Variants in SLIT2 observed in about 807,000 individuals in gnomAD.
SLIT2 encodes the protein slit homolog 2 protein.
SLIT2 carries 41 observed loss-of-function variants against 185.7 expected under a neutral mutation model. The ratio of observed to expected loss-of-function variants is 0.22; its 90% CI spans 0.17 to 0.29. SLIT2 has a LOEUF of 0.29. SLIT2 is among the 10% of genes least tolerant of loss of function. The pLI is 1.00. For missense variants in SLIT2, 1,571 were observed against 1,909.0 expected (o/e 0.82, Z 3.30); for synonymous variants, 693 against 680.2 (o/e 1.02, Z -0.29).
At chr4:20,298,067 C>T (rs1236403514) in intron 4 of SLIT2, among the ~76,000 whole-genome samples, 3 of 151,212 alleles carry the variant, frequency 2.0e-5, no homozygotes, top group Admixed American at 6.6e-5. Flanking sequence ...GCATAGTAAT[C>T]GGTATCTTCT....
At chr4:20,501,719 C>A (rs976160710) in intron 9 of SLIT2, among the ~76,000 whole-genome samples, 1 of 152,112 alleles carries the variant, frequency 6.6e-6, no homozygotes, top group Non-Finnish European at 1.5e-5. Flanking sequence ...GCATGTAGTT[C>A]CGCAGGCCAT....
Position 20,568,647 on chromosome 4 carries a change from G to A in SLIT2, c.2949-218G>A, listed in dbSNP as rs11723253. Among the ~76,000 whole-genome samples the A allele has an allele frequency of 0.16, 23,815 of 151,682 alleles. 2,199 individuals carry two copies. Among genetic ancestry groups the A allele is most frequent in the East Asian group, 0.35 (1,781 of 5,142 alleles). On this transcript the variant is annotated intron_variant, in intron 28 of 36. Transcript: ENST00000504154. ...TGGAACCATTTGCCTTCTTGCAACC[G>A]GCATAAATTTTATTTTTTGAAGGGT...
At chr4:20,580,274 G>A (rs1430650734) in intron 29 of SLIT2, among the ~76,000 whole-genome samples, 1 of 151,142 alleles carries the variant, frequency 6.6e-6, no homozygotes, top group Non-Finnish European at 1.5e-5. Context: ...TTGACCTCAG[G>A]TGATCCACGC....
chr4:20,546,780 A>G (rs1723288425), intron 22 of SLIT2, among the ~76,000 whole-genome samples: 1 of 152,070 alleles, frequency 6.6e-6, no homozygotes, highest in African/African-American at 2.4e-5. Flanking sequence ...AGTTACATGC[A>G]CAATGTTTAA....
At chr4:20,332,677 AAAAAAC>A (rs961479791) in intron 4 of SLIT2, among the ~76,000 whole-genome samples, 35 of 152,302 alleles carry the variant, frequency 2.3e-4, no homozygotes, top group African/African-American at 7.0e-4. Context: ...CCTTCTCAAA[AAAAAAC>A]AAAAACAAAA....
chr4:20,595,933 A>T, intron 31 of SLIT2, 99 bp downstream of exon 31: 1 of 1,023,736 alleles, frequency 9.8e-7, no homozygotes. Context: ...TAAAATAACT[A>T]AAAGAGTATA....
chr4:20,599,157 G>T (rs1728217562), intron 33 of SLIT2, among the ~76,000 whole-genome samples: 1 of 152,162 alleles, frequency 6.6e-6, no homozygotes, highest in Admixed American at 6.5e-5. Context: ...TTGTCTTAGG[G>T]AATCTTGACC....
intron 30 of SLIT2, among the ~76,000 whole-genome samples, chr4:20,595,248 T>A (rs1029109887): frequency 4.6e-5 from 7 of 152,218 alleles, no homozygotes; most frequent in Non-Finnish European, 1.0e-4. Flanking sequence ...ATTGTAAAAT[T>A]AAAAATGTTA....
Position 20,435,625 on chromosome 4 carries a change from G to A in SLIT2, c.396-32127G>A, listed in dbSNP as rs995972360. On this transcript the variant is annotated intron_variant, in intron 4 of 36. Coordinates refer to ENST00000504154, the MANE Select transcript of SLIT2 (RefSeq NM_004787.4). ...CATTTAGTACAGGACAGGAAATTTC[G>A]TTTAGTGCAGGCGAAGGAAATTTCA... Among the ~76,000 whole-genome samples, 10 of 152,260 alleles carry A rather than the reference G, an allele frequency of 6.6e-5. No individual in the cohort carries two copies. The East Asian group carries it at 1.4e-3, about 21-fold the overall frequency.
chr4:20,318,865 T>A (rs1374132652), intron 4 of SLIT2, among the ~76,000 whole-genome samples: 1 of 152,318 alleles, frequency 6.6e-6, no homozygotes, highest in East Asian at 1.9e-4. Flanking sequence ...TGGATTCCAC[T>A]CTGGGGACTT....
At chr4:20,376,870 T>C (rs545297360) in intron 4 of SLIT2, among the ~76,000 whole-genome samples, 2 of 151,978 alleles carry the variant, frequency 1.3e-5, no homozygotes, top group Non-Finnish European at 2.9e-5. Flanking sequence ...CCAGGGCCTG[T>C]CGTGGAGCGG....
intron 4 of SLIT2, among the ~76,000 whole-genome samples, chr4:20,445,600 G>A (rs968052003): frequency 1.3e-5 from 2 of 152,032 alleles, no homozygotes; most frequent in African/African-American, 4.8e-5. Flanking sequence ...GATCTATTAG[G>A]GCTCCCTACT....
intron 9 of SLIT2, among the ~76,000 whole-genome samples, chr4:20,506,505 T>C (rs1372299128): frequency 6.6e-6 from 1 of 152,016 alleles, no homozygotes; most frequent in Admixed American, 6.6e-5. Context: ...GTAAATTTTA[T>C]TTGCCCTTTC....
At chr4:20,441,328 C>G (rs916892267) in intron 4 of SLIT2, among the ~76,000 whole-genome samples, 1 of 152,122 alleles carries the variant, frequency 6.6e-6, no homozygotes, top group African/African-American at 2.4e-5. Flanking sequence ...ATCTTTATGG[C>G]ACTGGCAAAA....
intron 4 of SLIT2, among the ~76,000 whole-genome samples, chr4:20,439,480 C>T (rs978235623): frequency 9.2e-5 from 14 of 152,116 alleles, no homozygotes; most frequent in Admixed American, 9.2e-4. Context: ...CAATTTCTGC[C>T]TTCATCTTCA....
At chr4:20,594,258 TACAC>T (rs1185059823) in intron 30 of SLIT2, among the ~76,000 whole-genome samples, 1 of 149,898 alleles carries the variant, frequency 6.7e-6, no homozygotes. Flanking sequence ...TACATATACA[TACAC>T]GCATATGTAT....
At position 20,291,697 on chromosome 4, in the gene SLIT2, A is replaced by T. The variant is rs534407765; in HGVS notation, c.395+22816A>T. On this transcript the variant is annotated intron_variant, in intron 4 of 36. Coordinates refer to ENST00000504154, the MANE Select transcript of SLIT2 (RefSeq NM_004787.4). ...CTATACAAATAGAAGTAATTTATAA[A>T]TGGTGAAGGCGTATGTTCAAAAAAT... Among the ~76,000 whole-genome samples the T allele has an allele frequency of 2.6e-4, 39 of 151,868 alleles. No homozygotes were observed. The South Asian group carries it at 7.9e-3, about 31-fold the overall frequency.
chr4:20,603,928 A>G (rs1578008866), intron 33 of SLIT2, among the ~76,000 whole-genome samples: 1 of 152,358 alleles, frequency 6.6e-6, no homozygotes, highest in East Asian at 1.9e-4. Context: ...TTGATATGCC[A>G]TATGGAAAGT....
At chr4:20,502,789 T>C (rs953318910) in intron 9 of SLIT2, among the ~76,000 whole-genome samples, 2 of 152,220 alleles carry the variant, frequency 1.3e-5, no homozygotes, top group Non-Finnish European at 2.9e-5. Flanking sequence ...GGAAATTTTC[T>C]AGCAAGGTAG....
Sources: allele counts gnomAD v4.1 joint callset (sites outside exome capture counted in the v4.1 genomes callset), GRCh38; gene constraint gnomAD v4.1.1; transcripts MANE v1.5; gene names NCBI Gene and HGNC (gene_info 2026-07-23, HGNC 2026-07-21).